Variants in FBRSL1 observed in about 807,000 individuals in gnomAD.
The protein encoded by FBRSL1 is fibrosin-1-like protein.
FBRSL1 carries 51 observed loss-of-function variants against 89.6 expected under a neutral mutation model. That is an observed-to-expected ratio of 0.57 (90% CI 0.45 to 0.72). The LOEUF (loss-of-function observed/expected upper bound fraction) is 0.72, where lower values mean the gene tolerates loss of function less well. Among genes scored for constraint, FBRSL1 ranks in the 30% least tolerant of loss-of-function variants. The probability of loss-of-function intolerance (pLI) is 0.00; values close to 1 mark genes in which losing one functional copy is unlikely to be tolerated. For missense variants in FBRSL1, 1,618 were observed against 1,451.8 expected (o/e 1.11, Z -1.86); for synonymous variants, 779 against 681.1 (o/e 1.14, Z -2.24).
chr12:132,544,014 C>A (rs2037478906), intron 4 of FBRSL1, among the ~76,000 whole-genome samples: 1 of 152,158 alleles, frequency 6.6e-6, no homozygotes, highest in Non-Finnish European at 1.5e-5. Context: ...CACCCCACAC[C>A]TTAGGCGTGA....
chr12:132,502,519 G>T (rs941465649), intron 1 of FBRSL1, among the ~76,000 whole-genome samples: 3 of 152,146 alleles, frequency 2.0e-5, no homozygotes, highest in Non-Finnish European at 4.4e-5. Context: ...GGCCTGGCAC[G>T]TGACAGTGGC....
intron 4 of FBRSL1, among the ~76,000 whole-genome samples, chr12:132,529,359 G>A (rs2036064121): frequency 6.6e-6 from 1 of 152,184 alleles, no homozygotes; most frequent in Admixed American, 6.5e-5. Context: ...TGGGCGGCGC[G>A]GCCACAGGCC....
At chr12:132,527,263 G>A (rs1329130485) in intron 3 of FBRSL1, among the ~76,000 whole-genome samples, 2 of 152,188 alleles carry the variant, frequency 1.3e-5, no homozygotes, top group Admixed American at 6.5e-5. Flanking sequence ...CAGAAGCTGG[G>A]GCCCTGGGCT....
At chr12:132,549,595 G>C (rs943466315) in intron 5 of FBRSL1, among the ~76,000 whole-genome samples, 1 of 152,224 alleles carries the variant, frequency 6.6e-6, no homozygotes, top group African/African-American at 2.4e-5. Flanking sequence ...GCAGGAAGGA[G>C]GGGATTTCGG....
chr12:132,542,919 T>G (rs1376859198), intron 4 of FBRSL1, among the ~76,000 whole-genome samples: 1 of 152,218 alleles, frequency 6.6e-6, no homozygotes, highest in East Asian at 1.9e-4. Flanking sequence ...GCTGCTGATT[T>G]GTGTCTCCCC....
intron 18 of FBRSL1, 63 bp downstream of exon 18, chr12:132,582,329 C>T (rs2040819137): frequency 1.4e-6 from 2 of 1,405,496 alleles, no homozygotes; most frequent in African/African-American, 1.4e-5. Context: ...TCCCCCCTCC[C>T]GTCATCCCCG....
chr12:132,501,571 A>G (rs1284270083), intron 1 of FBRSL1, among the ~76,000 whole-genome samples: 1 of 152,150 alleles, frequency 6.6e-6, no homozygotes, highest in Non-Finnish European at 1.5e-5. Flanking sequence ...CACAGGGGCC[A>G]GTGTGGGCCA....
At chr12:132,527,100 C>T (rs1017471101) in intron 3 of FBRSL1, among the ~76,000 whole-genome samples, 3 of 151,404 alleles carry the variant, frequency 2.0e-5, no homozygotes, top group Admixed American at 6.6e-5. Context: ...CCAGCCCCAA[C>T]CCCCACCACC....
chr12:132,573,352 C>T (rs979022142), intron 11 of FBRSL1, among the ~76,000 whole-genome samples: 5 of 152,160 alleles, frequency 3.3e-5, no homozygotes, highest in Non-Finnish European at 4.4e-5. Context: ...CCTGGGGCAC[C>T]GCCCACATCG....
chr12:132,530,686 G>A (rs923897560), intron 4 of FBRSL1, among the ~76,000 whole-genome samples: 4 of 140,572 alleles, frequency 2.8e-5, no homozygotes, highest in African/African-American at 7.7e-5. Flanking sequence ...CCCCACAGCC[G>A]AGGCACACAA....
At chr12:132,558,206 CA>C (rs2038833856) in intron 5 of FBRSL1, among the ~76,000 whole-genome samples, 1 of 152,346 alleles carries the variant, frequency 6.6e-6, no homozygotes, top group African/African-American at 2.4e-5. Flanking sequence ...GGGCTCCACG[CA>C]TTTCAAATGG....
intron 2 of FBRSL1, among the ~76,000 whole-genome samples, chr12:132,520,658 G>A (rs774045920): frequency 2.0e-5 from 3 of 152,206 alleles, no homozygotes; most frequent in Admixed American, 6.5e-5. Flanking sequence ...AAGGCAGGGC[G>A]TAGCATCTGC....
intron 4 of FBRSL1, among the ~76,000 whole-genome samples, chr12:132,534,965 C>T (rs990056259): frequency 6.6e-6 from 1 of 152,232 alleles, no homozygotes; most frequent in Non-Finnish European, 1.5e-5. Flanking sequence ...ATCCACCAGG[C>T]AGGACAGCCC....
chr12:132,583,756 C>A lies in FBRSL1; in HGVS notation c.2987C>A (p.Pro996His). ...EARDYSPSRN[P>H]PEVEAR ...CGCGACTACTCCCCGTCCCGAAATC[C>A]CCCGGAGGTGGAGGCGCGGTAGCCC... Residue 996 changes from proline (P) to histidine (H), a missense_variant, in exon 19 of 19, where the codon CCC (proline) becomes CAC (histidine). Physicochemically the swap from Pro to His is moderately conservative, Grantham distance 77. Transcript: ENST00000680143. 8.2e-7 allele frequency: 1 copy of A among 1,217,506 alleles called. No individual in the cohort carries two copies. Among genetic ancestry groups the A allele is most frequent in the Non-Finnish European group, 1.0e-6 (1 of 978,690 alleles). 75.4% of individuals were successfully genotyped at this position (1,217,506 alleles called of 1,614,324 possible).
At chr12:132,496,531 G>A (rs1298097366) in intron 1 of FBRSL1, among the ~76,000 whole-genome samples, 3 of 152,194 alleles carry the variant, frequency 2.0e-5, no homozygotes, top group African/African-American at 7.2e-5. Context: ...TGGGTACTTT[G>A]TTGGATTCCC....
chr12:132,549,885 G>A (rs551075631), intron 5 of FBRSL1, among the ~76,000 whole-genome samples: 9 of 152,348 alleles, frequency 5.9e-5, no homozygotes, highest in Non-Finnish European at 1.2e-4. Context: ...GGAGAGCACA[G>A]GCTGAAAGAG....
At chr12:132,498,880 ACT>A in intron 1 of FBRSL1, among the ~76,000 whole-genome samples, 1 of 152,146 alleles carries the variant, frequency 6.6e-6, no homozygotes, top group African/African-American at 2.4e-5. Flanking sequence ...TGGCCATGGT[ACT>A]CACCCCACTG....
intron 4 of FBRSL1, among the ~76,000 whole-genome samples, chr12:132,541,697 G>A (rs2037284041): frequency 6.6e-6 from 1 of 152,254 alleles, no homozygotes; most frequent in Non-Finnish European, 1.5e-5. Flanking sequence ...CAGCCCTGGG[G>A]GCTGCCGGTG....
intron 5 of FBRSL1, among the ~76,000 whole-genome samples, chr12:132,555,707 A>C (rs79215579): frequency 2.3e-3 from 348 of 152,180 alleles, no homozygotes; most frequent in African/African-American, 7.9e-3. Context: ...CATTGCTCCT[A>C]TCTCTGCCCC....
Sources: allele counts gnomAD v4.1 joint callset (sites outside exome capture counted in the v4.1 genomes callset), GRCh38; gene constraint gnomAD v4.1.1; transcripts MANE v1.5; gene names NCBI Gene and HGNC (gene_info 2026-07-23, HGNC 2026-07-21).